The following PDE1A variants were observed in gnomAD, a reference collection of about 807,000 sequenced individuals.
The protein encoded by PDE1A is dual specificity calcium/calmodulin-dependent 3',5'-cyclic nucleotide phosphodiesterase 1A.
In PDE1A, 35 loss-of-function variants were observed where a neutral mutation model predicts 61.7. That is an observed-to-expected ratio of 0.57 (90% CI 0.43 to 0.75). The LOEUF is 0.75. Ranked by LOEUF, PDE1A falls within the 30% of genes least tolerant of loss-of-function variation. The pLI, the probability that PDE1A is intolerant of heterozygous loss-of-function variation, is 0.00. For missense variants in PDE1A, 597 were observed against 630.6 expected (o/e 0.95, Z 0.57); for synonymous variants, 232 against 213.2 (o/e 1.09, Z -0.77).
rs375829679 is a variant in PDE1A at position 182,347,311 on chromosome 2, G to C, written c.53+79267C>G. On this transcript the variant is annotated intron_variant, in intron 1 of 13. Transcript: ENST00000351439. ...GCACAGAATCTGCTATGAAGAAAGC[G>C]ATTTTCCTAATTTCAACTATGAGTC... Among the ~76,000 whole-genome samples the C allele has an allele frequency of 2.6e-5, 4 of 152,194 alleles. No individual in the cohort carries two copies. In the South Asian group the frequency reaches 8.3e-4, roughly 32 times the overall value.
intron 1 of PDE1A, among the ~76,000 whole-genome samples, chr2:182,420,305 C>A (rs1703195159): frequency 6.6e-6 from 1 of 152,040 alleles, no homozygotes; most frequent in Admixed American, 6.6e-5. Flanking sequence ...GGGCCCAGAT[C>A]ATCACATATC....
chr2:182,334,923 CAA>C (rs1697686803), intron 1 of PDE1A, among the ~76,000 whole-genome samples: 1 of 152,160 alleles, frequency 6.6e-6, no homozygotes. Flanking sequence ...GCAACTTCAG[CAA>C]AGTCTCAGGA....
chr2:182,477,114 A>G (rs1294920589), intron 2 of PDE1A, among the ~76,000 whole-genome samples: 2 of 151,946 alleles, frequency 1.3e-5, no homozygotes, highest in African/African-American at 4.8e-5. Flanking sequence ...AAAGGCATTC[A>G]TGGATTTCCA....
the PDE1A span, among the ~76,000 whole-genome samples, chr2:182,566,014 T>C: frequency 6.6e-6 from 1 of 152,132 alleles, no homozygotes; most frequent in Admixed American, 6.5e-5. Context: ...ATTTATGGAA[T>C]TGTGAGTTCA....
chr2:182,602,239 C>T, the PDE1A span, among the ~76,000 whole-genome samples: 97 of 152,338 alleles, frequency 6.4e-4, no homozygotes, highest in African/African-American at 2.3e-3. Flanking sequence ...TGGGCAGCTG[C>T]AGCAACACCT....
At chr2:182,516,348 A>C (rs939934676) in intron 2 of PDE1A, among the ~76,000 whole-genome samples, 1 of 151,740 alleles carries the variant, frequency 6.6e-6, no homozygotes, top group African/African-American at 2.4e-5. Flanking sequence ...TCTCTCTTCC[A>C]CTTTTCGAGC....
chr2:182,214,211 T>C, intron 7 of PDE1A, among the ~76,000 whole-genome samples: 1 of 150,746 alleles, frequency 6.6e-6, no homozygotes, highest in African/African-American at 2.5e-5. Flanking sequence ...GACAAGCAAA[T>C]GCTGAGAGAT....
At chr2:182,529,250 A>C in the PDE1A span, among the ~76,000 whole-genome samples, 3 of 152,236 alleles carry the variant, frequency 2.0e-5, no homozygotes, top group East Asian at 5.8e-4. Context: ...TACCTTTTGC[A>C]TCAATATGAC....
downstream of PDE1A, chr2:182,142,688 G>A (rs1196546111): frequency 6.6e-6 from 1 of 152,180 alleles, no homozygotes; most frequent in Admixed American, 6.5e-5. Context: ...GTGCAAGGAA[G>A]TAAATTTTAA....
At chr2:182,597,744 C>A in the PDE1A span, among the ~76,000 whole-genome samples, 1 of 152,084 alleles carries the variant, frequency 6.6e-6, no homozygotes, top group Non-Finnish European at 1.5e-5. Flanking sequence ...TTGTCAAGTC[C>A]CCAGGGAAAA....
At chr2:182,187,264 CTT>C (rs1468727505) in intron 11 of PDE1A, among the ~76,000 whole-genome samples, 2 of 152,188 alleles carry the variant, frequency 1.3e-5, no homozygotes, top group Non-Finnish European at 2.9e-5. Flanking sequence ...TGAATGAAGA[CTT>C]TTACATTTAA....
rs367831996 is a variant in PDE1A, at chr2:182,162,883, C to A, written c.1517-15731G>T. On this transcript the variant is annotated intron_variant, in intron 13 of 13. Transcript: ENST00000409365. ...TTATTGAAATAGACAGACTTAGCAG[C>A]AGACAGAATCCCCACATTGGTTCCC... 1.6e-4 allele frequency among the ~76,000 whole-genome samples: 25 copies of A among 152,262 alleles called. No homozygotes were observed. The East Asian group carries it at 4.4e-3, about 27-fold the overall frequency.
At chr2:182,684,123 CAAAA>C in the PDE1A span, among the ~76,000 whole-genome samples, 2 of 52,060 alleles carry the variant, frequency 3.8e-5, no homozygotes, top group Non-Finnish European at 7.7e-5. Context: ...AACTCCATCT[CAAAA>C]AAAAAAAAAA....
intron 2 of PDE1A, among the ~76,000 whole-genome samples, chr2:182,257,953 G>T (rs1279086081): frequency 6.6e-6 from 1 of 152,154 alleles, no homozygotes; most frequent in Non-Finnish European, 1.5e-5. Context: ...AGATCACGAG[G>T]TCAGGAGATC....
In PDE1A at chr2:182,214,176, C is replaced by T. The variant is rs1197299128; in HGVS notation, c.777-8111G>A. On this transcript the variant is annotated intron_variant, in intron 7 of 13. Transcript: ENST00000351439. Reference sequence around the variant, plus strand: ...ATCCAGCCAAACTAAGCTTCATAAGCGAAGGAGAAATAAAATACTTTACAG... The same window carrying T: ...ATCCAGCCAAACTAAGCTTCATAAGTGAAGGAGAAATAAAATACTTTACAG... Among the ~76,000 whole-genome samples the T allele has an allele frequency of 7.0e-4, 105 of 149,854 alleles. 1 individual carries two copies. The highest frequency in any genetic ancestry group is 3.4e-3 in the Middle Eastern group (1 of 294).
chr2:182,489,563 G>C (rs972081000), intron 2 of PDE1A, among the ~76,000 whole-genome samples: 1 of 152,152 alleles, frequency 6.6e-6, no homozygotes, highest in Non-Finnish European at 1.5e-5. Context: ...GGTAAGAAGT[G>C]ATTGGATTCT....
chr2:182,573,972 T>TAC, the PDE1A span, among the ~76,000 whole-genome samples: 49,467 of 142,620 alleles, frequency 0.35, 9,870 homozygotes, highest in East Asian at 0.55. Context: ...TATTTTTTTA[T>TAC]ACACACACAC....
chr2:182,435,389 C>G (rs1262255620), intron 2 of PDE1A, among the ~76,000 whole-genome samples: 1 of 151,910 alleles, frequency 6.6e-6, no homozygotes, highest in Non-Finnish European at 1.5e-5. Flanking sequence ...ATTCAACTAG[C>G]AGGATAAGAA....
exon 14 of PDE1A, chr2:182,168,003 A>G (rs1691753892): frequency 8.2e-7 from 1 of 1,218,024 alleles, no homozygotes. Flanking sequence ...TGAAACAGAT[A>G]TCTGAAAGCA....
Sources: gnomAD v4.1 joint callset for allele counts (sites outside exome capture counted in the v4.1 genomes callset) on GRCh38, gnomAD v4.1.1 for gene constraint, MANE v1.5 for transcripts, NCBI Gene and HGNC (gene_info 2026-07-23, HGNC 2026-07-21) for gene names.